The following URI1 variants were observed in gnomAD, a reference collection of about 807,000 sequenced individuals.
URI1 encodes unconventional prefoldin RPB5 interactor 1.
In URI1, 39 loss-of-function variants were observed where a neutral mutation model predicts 60.2. That is an observed-to-expected ratio of 0.65 (90% CI 0.50 to 0.85). URI1 has a LOEUF of 0.85. Ranked by LOEUF, URI1 falls within the 40% of genes least tolerant of loss-of-function variation. The pLI, the probability that URI1 is intolerant of heterozygous loss-of-function variation, is 0.00. For synonymous variants in URI1, 251 were observed against 236.8 expected (o/e 1.06, Z -0.55); for missense variants, 691 against 665.9 (o/e 1.04, Z -0.42).
chr19:29,932,625 A>G (rs2054931625), intron 1 of URI1, among the ~76,000 whole-genome samples: 2 of 126,788 alleles, frequency 1.6e-5, no homozygotes, highest in Admixed American at 1.7e-4. Context: ...CCCATTTGAG[A>G]TTATTATGTG....
Position 30,005,651 on chromosome 19 carries a change from G to A in URI1, c.460G>A (p.Ala154Thr), listed in dbSNP as rs2055932297. The A allele has an allele frequency of 5.0e-6, 8 of 1,609,472 alleles. No individual in the cohort carries two copies. In the East Asian group the frequency reaches 1.8e-4, roughly 36 times the overall value. ...CGCTTTTTTTTTGTTTAAAAACCAG[G>A]CTGCAGGTGATATTGTTGACATACG... ...FTEDLQKMSD[A>T]AGDIVDIREE... is the part of the protein sequence containing the mutation. Residue 154 changes from alanine (A) to threonine (T), a missense_variant and splice_region_variant, in exon 6 of 11, where the codon GCT becomes ACT. Transcript: ENST00000392271.
intron 2 of URI1, chr19:29,980,362 A>T (rs1477499605): frequency 6.6e-6 from 1 of 152,044 alleles, no homozygotes; most frequent in African/African-American, 2.4e-5. Flanking sequence ...GGGAAGTTGT[A>T]GGGTGGGTAT....
chr19:29,977,399 A>G (rs964152739), intron 2 of URI1, among the ~76,000 whole-genome samples: 2 of 151,996 alleles, frequency 1.3e-5, no homozygotes, highest in African/African-American at 2.4e-5. Flanking sequence ...ATTGATCTGC[A>G]TACCTTTAAA....
At chr19:29,975,940 A>G (rs1314623426) in intron 2 of URI1, among the ~76,000 whole-genome samples, 1 of 152,182 alleles carries the variant, frequency 6.6e-6, no homozygotes, top group African/African-American at 2.4e-5. Flanking sequence ...ACATGTTTAT[A>G]TACGGCTCCC....
intron 2 of URI1, among the ~76,000 whole-genome samples, chr19:29,982,436 C>T (rs1455581036): frequency 6.6e-6 from 1 of 151,820 alleles, no homozygotes; most frequent in African/African-American, 2.4e-5. Flanking sequence ...AGCATTGTTA[C>T]CAAAATAAGA....
intron 2 of URI1, among the ~76,000 whole-genome samples, chr19:29,981,175 C>T (rs1167337313): frequency 4.0e-5 from 6 of 151,666 alleles, no homozygotes; most frequent in Admixed American, 6.6e-5. Context: ...CATATTTCCT[C>T]GTCCCTTTAA....
chr19:29,975,500 CTTTTTTTTTT>C (rs10717602), intron 2 of URI1, among the ~76,000 whole-genome samples: 2 of 72,364 alleles, frequency 2.8e-5, no homozygotes, highest in African/African-American at 1.0e-4. Flanking sequence ...GTTCTGTTTA[CTTTTTTTTTT>C]TTTTTTTTTT....
chr19:29,961,619 G>T (rs887990750), intron 1 of URI1, among the ~76,000 whole-genome samples: 1 of 150,676 alleles, frequency 6.6e-6, no homozygotes, highest in Non-Finnish European at 1.5e-5. Context: ...TTTGAGTAAT[G>T]CTGCTGTGAA....
chr19:29,982,606 A>G (rs1286148659), intron 2 of URI1, among the ~76,000 whole-genome samples: 1 of 152,174 alleles, frequency 6.6e-6, no homozygotes, highest in Non-Finnish European at 1.5e-5. Context: ...TTGACTGTCT[A>G]GGCACTGTAC....
rs549613161 is a variant in URI1 at position 29,955,013 on chromosome 19, T to A, written c.117+12349T>A. 1.2e-4 allele frequency among the ~76,000 whole-genome samples: 18 copies of A among 152,184 alleles called. No individual in the cohort carries two copies. The South Asian group carries it at 1.2e-3, about 11-fold the overall frequency. On this transcript the variant is annotated intron_variant, in intron 1 of 10. Transcript: ENST00000392271. Reference sequence around the variant, plus strand: ...GAGATATTCCTCATCATTTTTTTTTTATTTTTTTGGAGATGGAGTCTCGCT... The same window carrying A: ...GAGATATTCCTCATCATTTTTTTTTAATTTTTTTGGAGATGGAGTCTCGCT...
intron 2 of URI1, among the ~76,000 whole-genome samples, chr19:29,974,611 T>C (rs2145336206): frequency 6.6e-6 from 1 of 152,294 alleles, no homozygotes; most frequent in Non-Finnish European, 1.5e-5. Flanking sequence ...TATTTTAGAT[T>C]TGGGAGGTAC....
chr19:29,977,142 T>G (rs1312253014), intron 2 of URI1, among the ~76,000 whole-genome samples: 1 of 152,042 alleles, frequency 6.6e-6, no homozygotes, highest in Non-Finnish European at 1.5e-5. Context: ...CTCTCTTTTT[T>G]TTTTTTCCTG....
chr19:29,965,093 T>C (rs2055376108), intron 1 of URI1, among the ~76,000 whole-genome samples: 1 of 152,162 alleles, frequency 6.6e-6, no homozygotes, highest in Non-Finnish European at 1.5e-5. Flanking sequence ...CTTGTACATT[T>C]ATGTTGTTTC....
chr19:29,997,844 A>T (rs140062233), intron 4 of URI1, among the ~76,000 whole-genome samples: 5 of 152,080 alleles, frequency 3.3e-5, no homozygotes, highest in African/African-American at 4.8e-5. Flanking sequence ...GGCTCACTGT[A>T]ACTTCCATCT....
At chr19:29,949,936 GGGGGA>G (rs1317676343) in intron 1 of URI1, among the ~76,000 whole-genome samples, 3 of 151,258 alleles carry the variant, frequency 2.0e-5, no homozygotes, top group Admixed American at 2.0e-4. Flanking sequence ...GGAGACGGGA[GGGGGA>G]GGGGGAGGGA....
At chr19:29,925,253 G>GT (rs1178122881) in intron 1 of URI1, among the ~76,000 whole-genome samples, 1 of 152,264 alleles carries the variant, frequency 6.6e-6, no homozygotes, top group African/African-American at 2.4e-5. Context: ...CTTCATGTGT[G>GT]TAAGTCCTGT....
At chr19:29,993,199 GCT>G (rs1165347416) in intron 4 of URI1, among the ~76,000 whole-genome samples, 1 of 152,162 alleles carries the variant, frequency 6.6e-6, no homozygotes, top group Non-Finnish European at 1.5e-5. Context: ...ATGGCTATAG[GCT>G]TAGAGAAGAG....
intron 1 of URI1, among the ~76,000 whole-genome samples, chr19:29,943,382 T>G (rs750680): frequency 3.3e-5 from 5 of 152,264 alleles, no homozygotes; most frequent in Admixed American, 3.3e-4. Context: ...ATTTAAGAAA[T>G]AGTTTTATTG....
chr19:30,015,556 T>C lies in URI1; in HGVS notation c.*487T>C. 6.5e-7 allele frequency: 1 copy of C among 1,535,282 alleles called. No homozygotes were observed. The highest frequency in any genetic ancestry group is 1.2e-5 in the South Asian group (1 of 83,940). The stretch of plus-strand genomic sequence containing the variant: ...TGTAGGTTTTGCGGCTAGTTGGCTA[T>C]TCAAGAAACCTCGCCCCTCTGAATG... On this transcript the variant is annotated 3_prime_UTR_variant, in exon 11 of 11. Coordinates refer to ENST00000392271, the MANE Select transcript of URI1 (RefSeq NM_003796.3).
Sources: allele counts gnomAD v4.1 joint callset (sites outside exome capture counted in the v4.1 genomes callset), GRCh38; gene constraint gnomAD v4.1.1; transcripts MANE v1.5; gene names NCBI Gene and HGNC (gene_info 2026-07-23, HGNC 2026-07-21).